LRRTM4: variants seen among roughly 807,000 people sequenced by gnomAD.
LRRTM4 encodes the protein leucine-rich repeat transmembrane neuronal protein 4.
Under a neutral mutation model 47.6 loss-of-function variants are expected in LRRTM4, and 25 were observed. That is an observed-to-expected ratio of 0.53 (90% confidence interval 0.38 to 0.73). LRRTM4 has a LOEUF of 0.73. Among genes scored for constraint, LRRTM4 ranks in the 30% least tolerant of loss-of-function variants. LRRTM4 has a pLI of 0.00. For missense variants in LRRTM4, 638 were observed against 713.4 expected, an observed-to-expected ratio of 0.89 and a Z score of 1.20; for synonymous variants, 311 against 269.5, an observed-to-expected ratio of 1.15 and a Z score of -1.51.
At chr2:76,962,412 T>C (rs1449853045) in intron 3 of LRRTM4, among the ~76,000 whole-genome samples, 1 of 150,992 alleles carries the variant, frequency 6.6e-6, no homozygotes, top group Non-Finnish European at 1.5e-5. Flanking sequence ...ATTTTTGTTG[T>C]TTGCATAACA....
intron 3 of LRRTM4, among the ~76,000 whole-genome samples, chr2:76,898,161 A>C (rs1357359576): frequency 6.6e-6 from 1 of 151,906 alleles, no homozygotes; most frequent in African/African-American, 2.4e-5. Context: ...TAAACTCTGT[A>C]TGAAAATAAA....
chr2:76,901,786 G>A (rs1212162622), intron 3 of LRRTM4, among the ~76,000 whole-genome samples: 3 of 152,092 alleles, frequency 2.0e-5, no homozygotes, highest in Non-Finnish European at 4.4e-5. Flanking sequence ...TTCACTCATT[G>A]TTACATGCAC....
intron 3 of LRRTM4, among the ~76,000 whole-genome samples, chr2:76,999,975 AATG>A (rs756144226): frequency 6.6e-6 from 1 of 152,112 alleles, no homozygotes; most frequent in Non-Finnish European, 1.5e-5. Context: ...TGAAACAGAC[AATG>A]ATAATAGCTT....
intron 3 of LRRTM4, among the ~76,000 whole-genome samples, chr2:76,751,758 T>A (rs1186536685): frequency 6.6e-6 from 1 of 152,140 alleles, no homozygotes; most frequent in Non-Finnish European, 1.5e-5. Flanking sequence ...ATTGGTGCCA[T>A]GGGTCACTTA....
chr2:77,278,197 T>C (rs1002300079), intron 3 of LRRTM4, among the ~76,000 whole-genome samples: 15 of 151,990 alleles, frequency 9.9e-5, no homozygotes, highest in East Asian at 3.9e-4. Context: ...ATCAACAATG[T>C]CACCATGGGC....
At chr2:76,822,073 A>G in intron 3 of LRRTM4, among the ~76,000 whole-genome samples, 1 of 151,792 alleles carries the variant, frequency 6.6e-6, no homozygotes, top group Admixed American at 6.6e-5. Flanking sequence ...ATATTTAGTA[A>G]AATTTTATAG....
intron 3 of LRRTM4, among the ~76,000 whole-genome samples, chr2:77,138,929 G>C (rs866490035): frequency 3.8e-4 from 58 of 152,092 alleles, no homozygotes; most frequent in African/African-American, 1.4e-3. Context: ...CCAGGAAGAA[G>C]TTGAATCCTT....
intron 3 of LRRTM4, among the ~76,000 whole-genome samples, chr2:77,513,868 A>T (rs17014228): frequency 0.077 from 11,762 of 152,066 alleles, 495 homozygotes; most frequent in Middle Eastern, 0.12. Context: ...ACCTGACGAT[A>T]CTTATAATTT....
chr2:77,357,201 T>C (rs903987581), intron 3 of LRRTM4, among the ~76,000 whole-genome samples: 1 of 152,106 alleles, frequency 6.6e-6, no homozygotes, highest in Non-Finnish European at 1.5e-5. Context: ...GTTTAGATAA[T>C]GGAAGTGAAG....
chr2:77,089,042 T>G (rs1324041615), intron 3 of LRRTM4, among the ~76,000 whole-genome samples: 1 of 152,124 alleles, frequency 6.6e-6, no homozygotes, highest in Admixed American at 6.5e-5. Context: ...GTTTAATCAC[T>G]GCAGGGACAC....
At chr2:76,960,029 C>T (rs1283735322) in intron 3 of LRRTM4, among the ~76,000 whole-genome samples, 3 of 151,278 alleles carry the variant, frequency 2.0e-5, no homozygotes, top group Non-Finnish European at 4.4e-5. Flanking sequence ...TTAAAAAGGG[C>T]CTAAGGGCAA....
intron 3 of LRRTM4, among the ~76,000 whole-genome samples, chr2:77,465,789 G>A (rs1046401226): frequency 1.3e-5 from 2 of 152,212 alleles, no homozygotes; most frequent in African/African-American, 2.4e-5. Context: ...CAAAGTTACA[G>A]TTTCTGTTTG....
intron 3 of LRRTM4, among the ~76,000 whole-genome samples, chr2:77,081,424 T>C (rs1043317488): frequency 6.6e-6 from 1 of 151,922 alleles, no homozygotes; most frequent in Admixed American, 6.6e-5. Context: ...CATTTAAAAA[T>C]TGGAACATAG....
At chr2:77,474,457 A>G (rs1468617102) in intron 3 of LRRTM4, among the ~76,000 whole-genome samples, 1 of 152,028 alleles carries the variant, frequency 6.6e-6, no homozygotes, top group Non-Finnish European at 1.5e-5. Flanking sequence ...ACAGAAACCT[A>G]TTTCAGTGGA....
chr2:77,394,723 G>T (rs977805998), intron 3 of LRRTM4, among the ~76,000 whole-genome samples: 5 of 151,892 alleles, frequency 3.3e-5, no homozygotes, highest in African/African-American at 1.2e-4. Flanking sequence ...ATTCACTTTG[G>T]GGTAGAGACT....
At chr2:76,896,677 G>A (rs977057657) in intron 3 of LRRTM4, among the ~76,000 whole-genome samples, 7 of 151,398 alleles carry the variant, frequency 4.6e-5, no homozygotes, top group Non-Finnish European at 1.0e-4. Flanking sequence ...TAGTTAAAAA[G>A]TGTTATCTAA....
At chr2:76,968,767 C>T (rs1240350945) in intron 3 of LRRTM4, among the ~76,000 whole-genome samples, 1 of 151,700 alleles carries the variant, frequency 6.6e-6, no homozygotes, top group Non-Finnish European at 1.5e-5. Flanking sequence ...TTAGTCCAGG[C>T]TCTTGTCCAG....
intron 3 of LRRTM4, among the ~76,000 whole-genome samples, chr2:76,807,423 T>TAC (rs1553412607): frequency 1.0e-4 from 9 of 87,682 alleles, no homozygotes; most frequent in African/African-American, 2.4e-4. Context: ...TATATATATA[T>TAC]ACATATATAT....
intron 3 of LRRTM4, among the ~76,000 whole-genome samples, chr2:76,892,743 G>A (rs1043026583): frequency 6.6e-6 from 1 of 151,608 alleles, no homozygotes; most frequent in Non-Finnish European, 1.5e-5. Flanking sequence ...GAAAGTCACT[G>A]CAATTTTAAT....
Sources: gnomAD v4.1 joint callset for allele counts (sites outside exome capture counted in the v4.1 genomes callset) on GRCh38, gnomAD v4.1.1 for gene constraint, MANE v1.5 for transcripts, NCBI Gene and HGNC (gene_info 2026-07-23, HGNC 2026-07-21) for gene names.